SETD1B: variants seen among roughly 807,000 people sequenced by gnomAD.
The protein encoded by SETD1B is histone-lysine N-methyltransferase SETD1B.
SETD1B carries 7 observed loss-of-function variants against 148.0 expected under a neutral mutation model. That is an observed-to-expected ratio of 0.05 (90% CI 0.03 to 0.09). The LOEUF is 0.09. Among genes scored for constraint, SETD1B ranks in the 10% least tolerant of loss-of-function variants. SETD1B has a pLI of 1.00. For missense variants in SETD1B, 2,155 were observed against 2,729.9 expected (o/e 0.79, Z 4.69); for synonymous variants, 1,361 against 1,186.5 (o/e 1.15, Z -3.02).
intron 13 of SETD1B, among the ~76,000 whole-genome samples, chr12:121,825,800 A>C (rs1876812964): frequency 6.6e-6 from 1 of 151,976 alleles, no homozygotes; most frequent in Non-Finnish European, 1.5e-5. Context: ...GCCCACCACC[A>C]TGCCTGGCTA....
In SETD1B at chr12:121,831,262, C is replaced by T. The variant is rs1474302826; in HGVS notation, c.*1023C>T. On this transcript the variant is annotated 3_prime_UTR_variant, in exon 17 of 17. Coordinates refer to ENST00000604567, the MANE Select transcript of SETD1B (RefSeq NM_001353345.2). ...TTCACCCACTCACCCCCAACCCACACCCCACATCCCCCTGCCGGCAGCCCC... is the reference window on the plus strand; with the variant it reads ...TTCACCCACTCACCCCCAACCCACATCCCACATCCCCCTGCCGGCAGCCCC... 6.6e-6 allele frequency: 1 copy of T among 152,026 alleles called. No individual in the cohort carries two copies. The highest frequency in any genetic ancestry group is 1.9e-4 in the East Asian group (1 of 5,184). 9.4% of individuals were successfully genotyped at this position (152,026 alleles called of 1,614,324 possible). A position where few individuals can be genotyped will look rare whatever the true frequency, so the allele number is the denominator to read the frequency against.
At chr12:121,827,671 GA>G in intron 14 of SETD1B, 21 bp downstream of exon 14, 1 of 1,551,594 alleles carries the variant, frequency 6.4e-7, no homozygotes, top group East Asian at 2.4e-5. Flanking sequence ...GCTTCACCCA[GA>G]TCGCCGGGGT....
At chr12:121,799,755 C>A (rs2137528087), upstream of SETD1B, 1 of 109,528 alleles carries the variant, frequency 9.1e-6, no homozygotes, top group African/African-American at 3.0e-5. Context: ...GCCGCAGAAC[C>A]AGCCCGGCGT....
the SETD1B span, chr12:121,794,080 C>A: frequency 6.2e-6 from 1 of 161,734 alleles, no homozygotes; most frequent in African/African-American, 2.4e-5. Flanking sequence ...GTTCGAGAAG[C>A]CCCCGGCCTC....
chr12:121,806,217 CCCA>C (rs1259282492), intron 4 of SETD1B, 112 bp downstream of exon 4: 6 of 1,207,722 alleles, frequency 5.0e-6, no homozygotes, highest in Non-Finnish European at 6.9e-6. Flanking sequence ...GGGATCCCCC[CCCA>C]CAACCTTATT....
intron 16 of SETD1B, among the ~76,000 whole-genome samples, chr12:121,829,703 A>T (rs1172383728): frequency 6.6e-6 from 1 of 152,212 alleles, no homozygotes; most frequent in African/African-American, 2.4e-5. Flanking sequence ...GAGAATGGAT[A>T]TGGCTATGTG....
Position 121,805,150 on chromosome 12 carries a change from A to C in SETD1B, c.207A>C (p.Glu69Asp). 1 of 1,551,670 alleles carries C rather than the reference A, an allele frequency of 6.4e-7. No homozygotes were observed. Among genetic ancestry groups the C allele is most frequent in the Non-Finnish European group, 8.7e-7 (1 of 1,146,974 alleles). The change falls in exon 3 of 17, where the codon GAA becomes GAC. Residue 69 changes from glutamate (E) to aspartate (D), a missense_variant. Physicochemically the swap from Glu to Asp is conservative, Grantham distance 45 (BLOSUM62 2). This residue lies in a region of SETD1B where 124 missense variants were observed against 282.9 expected (regional missense o/e 0.44). Transcript: ENST00000604567. This position sits in a 1 kb window ranked among gnomAD's most constrained non-coding sequence, Gnocchi z 4.2. ...MSSNRPVEIV[E>D]DPRVVGIWTK... is the part of the protein sequence containing the mutation. ...GCAACCGCCCGGTGGAAATTGTCGA[A>C]GATCCCCGGGTCGTCGGGATCTGGA...
chr12:121,800,682 G>A (rs1245405530), upstream of SETD1B: 1 of 149,084 alleles, frequency 6.7e-6, no homozygotes, highest in Non-Finnish European at 1.5e-5. Flanking sequence ...GGCCGCCACC[G>A]CCCCAGCCAC....
At position 121,823,619 on chromosome 12, in the gene SETD1B, C is replaced by T. The variant is rs1876696822; in HGVS notation, c.5040C>T (p.Ile1680=). ...GCTCGGAGTTTGAGGAGATGACCATCCTGTATGACATCTGGAACGGTGGCA... is the reference window on the plus strand; with the variant it reads ...GCTCGGAGTTTGAGGAGATGACCATTCTGTATGACATCTGGAACGGTGGCA... The part of the protein sequence containing the change: ...RPRSEFEEMT[I]LYDIWNGGID... The change falls in exon 12 of 17, where the codon ATC becomes ATT. Residue 1680 remains isoleucine (I), a synonymous_variant. Coordinates refer to ENST00000604567, the MANE Select transcript of SETD1B (RefSeq NM_001353345.2). The T allele has an allele frequency of 6.4e-7, 1 of 1,551,474 alleles. No homozygotes were observed. Among genetic ancestry groups the T allele is most frequent in the Admixed American group, 2.0e-5 (1 of 50,982 alleles).
In SETD1B at chr12:121,808,911, C is replaced by T. The variant is rs146401665; in HGVS notation, c.657+591C>T. Among the ~76,000 whole-genome samples the T allele has an allele frequency of 1.3e-4, 20 of 152,270 alleles. No homozygotes were observed. The highest frequency in any genetic ancestry group is 2.9e-4 in the Non-Finnish European group (20 of 68,028). ...TTTGAGACAGAGTCTCAGTCTGTCC[C>T]CAGGCTGGAGTGCAGTGGTGCGATC... is the stretch of plus-strand genomic sequence containing the variant. On this transcript the variant is annotated intron_variant, in intron 5 of 16. Transcript: ENST00000604567. This position sits in a 1 kb window ranked among gnomAD's most constrained non-coding sequence, Gnocchi z 5.3.
chr12:121,829,943 G>C, intron 16 of SETD1B, 123 bp from the exon 17 acceptor site: 1 of 845,270 alleles, frequency 1.2e-6, no homozygotes, highest in Non-Finnish European at 1.8e-6. Context: ...GAGCAGAGCA[G>C]TGGGCTGGGG....
At position 121,825,056 on chromosome 12, in the gene SETD1B, A is replaced by G. The variant is rs978341989; in HGVS notation, c.5171-144A>G. On this transcript the variant is annotated intron_variant, in intron 12 of 16. Transcript: ENST00000604567. ...CCGTCAGCAGGGTTGGTCAGCGGGCAGCCACGTGGAGGTGGCATGGGAGTG... is the reference window on the plus strand; with the variant it reads ...CCGTCAGCAGGGTTGGTCAGCGGGCGGCCACGTGGAGGTGGCATGGGAGTG... 4.3e-5 allele frequency: 31 copies of G among 716,532 alleles called. No homozygotes were observed. The East Asian group carries it at 8.1e-4, about 19-fold the overall frequency. The allele number at this position is 716,532 out of a possible 1,614,324, so 44.4% of individuals were successfully genotyped here. A position where few individuals can be genotyped will look rare whatever the true frequency, so the allele number is the denominator to read the frequency against.
intron 7 of SETD1B, 65 bp downstream of exon 7, chr12:121,814,995 C>G (rs1166069586): frequency 4.3e-6 from 6 of 1,386,384 alleles, no homozygotes; most frequent in Non-Finnish European, 4.9e-6. Context: ...CAGCCGGGCA[C>G]CTCCTCTTTC....
chr12:121,793,678 G>A, the SETD1B span: 1 of 1,469,530 alleles, frequency 6.8e-7, no homozygotes. Context: ...GGGCACTAGC[G>A]GAGCCAAGAG....
At position 121,819,418 on chromosome 12, in the gene SETD1B, A is replaced by G. The variant is rs1260363621; in HGVS notation, c.3433A>G (p.Ile1145Val). The G allele has an allele frequency of 1.3e-6, 2 of 1,551,818 alleles. No homozygotes were observed. Among genetic ancestry groups the G allele is most frequent in the Non-Finnish European group, 1.7e-6 (2 of 1,147,074 alleles). Residue 1145 changes from isoleucine (I) to valine (V), a missense_variant, in exon 11 of 17, where the codon ATT (isoleucine) becomes GTT (valine). Coordinates refer to ENST00000604567, the MANE Select transcript of SETD1B (RefSeq NM_001353345.2). ...CCCCCATCCAGAGGAGACAGTGAGCATTGTAACCTCCAAGGCCGAAGCCAC... is the reference window on the plus strand; with the variant it reads ...CCCCCATCCAGAGGAGACAGTGAGCGTTGTAACCTCCAAGGCCGAAGCCAC... ...GDSDEEETVS[I>V]VTSKAEATSS... is the part of the protein sequence containing the mutation.
In SETD1B at chr12:121,828,100, CCCTGCT is replaced by C. The variant is rs771153868; in HGVS notation, c.5727+36_5727+41del. ...GTGCCCAGCGGGGGGTGGCCCCTGCCCCTGCTCCTGCCCCTGGCCCTGCTTCTGTGC... is the reference window on the plus strand; with the variant it reads ...GTGCCCAGCGGGGGGTGGCCCCTGCCCCTGCCCCTGGCCCTGCTTCTGTGC... On this transcript the variant is annotated intron_variant, in intron 16 of 16. Transcript: ENST00000604567. The C allele has an allele frequency of 1.9e-6, 3 of 1,548,798 alleles. No individual in the cohort carries two copies. In the African/African-American group the frequency reaches 4.1e-5, roughly 21 times the overall value.
chr12:121,795,100 C>T, the SETD1B span, among the ~76,000 whole-genome samples: 1 of 152,172 alleles, frequency 6.6e-6, no homozygotes, highest in Non-Finnish European at 1.5e-5. Context: ...GTCTGACCAC[C>T]AGAGGGCAGC....
intron 11 of SETD1B, among the ~76,000 whole-genome samples, chr12:121,821,362 G>T (rs1454528147): frequency 2.6e-5 from 4 of 151,912 alleles, no homozygotes; most frequent in Middle Eastern, 3.4e-3. Flanking sequence ...GCTTGAACCC[G>T]GGTGGCAGAG....
intron 6 of SETD1B, among the ~76,000 whole-genome samples, chr12:121,811,297 A>G (rs1278135060): frequency 6.6e-6 from 1 of 152,082 alleles, no homozygotes; most frequent in Non-Finnish European, 1.5e-5. Context: ...GTGCTGGGCT[A>G]AGTGGGGTGA....
Sources: gnomAD v4.1 joint callset for allele counts (sites outside exome capture counted in the v4.1 genomes callset) on GRCh38, gnomAD v4.1.1 for gene constraint, gnomAD v4.1.1 regional missense constraint, Gnocchi (gnomAD v3.1) non-coding constraint, MANE v1.5 for transcripts, NCBI Gene and HGNC (gene_info 2026-07-23, HGNC 2026-07-21) for gene names.